Variants in MMP10 observed in about 807,000 individuals in gnomAD.
MMP10 encodes stromelysin-2.
MMP10 carries 50 observed loss-of-function variants against 49.1 expected under a neutral mutation model. The ratio of observed to expected loss-of-function variants is 1.02; its 90% CI spans 0.81 to 1.29. The LOEUF (loss-of-function observed/expected upper bound fraction) is 1.29, where lower values mean the gene tolerates loss of function less well. MMP10 is among the 50% of genes most tolerant of loss of function. The pLI is 0.00. For synonymous variants in MMP10, 229 were observed against 201.6 expected, an observed-to-expected ratio of 1.14 and a Z score of -1.15; for missense variants, 613 against 563.8, an observed-to-expected ratio of 1.09 and a Z score of -0.88.
chr11:102,780,392 G>T, intron 1 of MMP10, 95 bp downstream of exon 1: 1 of 955,072 alleles, frequency 1.0e-6, no homozygotes, highest in South Asian at 1.4e-5. Context: ...TTCTAACAAA[G>T]TGATCTCTAG....
chr11:102,779,276 GA>G lies in MMP10; in HGVS notation c.432del (p.Pro145HisfsTer14). The G allele has an allele frequency of 1.2e-6, 2 of 1,614,058 alleles. No individual in the cohort carries two copies. Among genetic ancestry groups the G allele is most frequent in the Non-Finnish European group, 1.7e-6 (2 of 1,180,000 alleles). On this transcript the variant is annotated frameshift_variant, in exon 3 of 10. Coordinates refer to ENST00000279441, the MANE Select transcript of MMP10 (RefSeq NM_002425.3). LOFTEE classifies it high-confidence loss of function. ...EKALKVWEEV[T>X]PLTFSRLYEG... ...TCATACAGCCTGGAGAATGTGAGTG[GA>G]GTCACCTCTTCCCAGACTTTCAGAG...
chr11:102,778,931 G>A lies in MMP10; in HGVS notation c.497-182C>T, dbSNP rs184763071. Among the ~76,000 whole-genome samples, 143 of 152,290 alleles carry A rather than the reference G, an allele frequency of 9.4e-4. 4 individuals carry two copies. The highest frequency in any genetic ancestry group is 5.8e-4 in the East Asian group (3 of 5,186). ...TAGGTCTTTAGGAAGTGATTATGTC[G>A]TAAGTGCTCTGCCCTCATGAATGAG... is the stretch of plus-strand genomic sequence containing the variant. On this transcript the variant is annotated intron_variant, in intron 3 of 9. Transcript: ENST00000279441.
chr11:102,771,541 G>C (rs1417868088), intron 9 of MMP10, among the ~76,000 whole-genome samples: 2 of 152,122 alleles, frequency 1.3e-5, no homozygotes, highest in Non-Finnish European at 2.9e-5. Context: ...TGAGCATATG[G>C]GAGGACTAGT....
chr11:102,779,863 T>A, intron 1 of MMP10, 118 bp from the exon 2 acceptor site: 1 of 1,225,052 alleles, frequency 8.2e-7, no homozygotes, highest in South Asian at 1.7e-5. Context: ...TCACATTTAA[T>A]TTGATTTTTC....
intron 4 of MMP10, among the ~76,000 whole-genome samples, chr11:102,777,734 A>G (rs1191164353): frequency 6.6e-6 from 1 of 152,192 alleles, no homozygotes; most frequent in Admixed American, 6.5e-5. Flanking sequence ...AGTAGTAGAT[A>G]TTATTTAACC....
Position 102,776,200 on chromosome 11 carries a change from G to T in MMP10, c.932+80C>A. ...CCCTGAACCTAAAATTAAAAAAAAA[G>T]CTCTGTCAAGTTTCTGTTTTTCTTT... On this transcript the variant is annotated intron_variant, in intron 6 of 9. Transcript: ENST00000279441. 6.9e-6 allele frequency: 9 copies of T among 1,304,162 alleles called. No homozygotes were observed. The South Asian group carries it at 1.2e-4, about 17-fold the overall frequency. 80.8% of individuals were successfully genotyped at this position (1,304,162 alleles called of 1,614,324 possible).
chr11:102,773,693 T>C (rs948200258), intron 7 of MMP10, among the ~76,000 whole-genome samples: 4 of 152,242 alleles, frequency 2.6e-5, no homozygotes, highest in African/African-American at 9.6e-5. Flanking sequence ...TTCTACTTTC[T>C]GTACACCCAG....
chr11:102,776,042 A>G (rs148830224), intron 6 of MMP10, among the ~76,000 whole-genome samples: 4 of 152,234 alleles, frequency 2.6e-5, no homozygotes, highest in Admixed American at 2.6e-4. Context: ...AGGAAATTTT[A>G]TATTTTAAAA....
intron 4 of MMP10, among the ~76,000 whole-genome samples, chr11:102,777,092 C>T (rs189875774): frequency 2.0e-5 from 3 of 152,098 alleles, no homozygotes; most frequent in African/African-American, 4.8e-5. Flanking sequence ...TTTGAAAGGA[C>T]AAGACTAATA....
intron 9 of MMP10, among the ~76,000 whole-genome samples, chr11:102,771,421 C>G (rs1406456618): frequency 6.6e-6 from 1 of 152,136 alleles, no homozygotes; most frequent in Non-Finnish European, 1.5e-5. Context: ...AGCCTCATGA[C>G]CATTGGATTG....
rs1857730170 is a variant in MMP10, at chr11:102,776,209, A to G, written c.932+71T>C. 7.8e-6 allele frequency: 11 copies of G among 1,413,628 alleles called. No individual in the cohort carries two copies. The East Asian group carries it at 2.3e-4, about 30-fold the overall frequency. 87.6% of individuals were successfully genotyped at this position (1,413,628 alleles called of 1,614,324 possible). On this transcript the variant is annotated intron_variant, in intron 6 of 9. Coordinates refer to ENST00000279441, the MANE Select transcript of MMP10 (RefSeq NM_002425.3). ...TAAAATTAAAAAAAAAGCTCTGTCA[A>G]GTTTCTGTTTTTCTTTCTAAGCACT...
In MMP10 at chr11:102,779,571, G is replaced by A. The variant is rs761751864; in HGVS notation, c.280C>T (p.Pro94Ser). 1.2e-6 allele frequency: 2 copies of A among 1,613,934 alleles called. No homozygotes were observed. The highest frequency in any genetic ancestry group is 4.5e-5 in the East Asian group (2 of 44,886). Reference protein sequence around the residue: ...EVMRKPRCGVPDVGHFSSFPG... With the variant: ...EVMRKPRCGVSDVGHFSSFPG... ...AAGGAGCTGAAGTGACCAACGTCAG[G>A]AACTCCACACCTGGGCTTGCGCATC... The change falls in exon 2 of 10, where the codon CCT (proline) becomes TCT (serine). Residue 94 changes from proline (P) to serine (S), a missense_variant. Physicochemically the swap from Pro to Ser is moderately conservative, Grantham distance 74. Transcript: ENST00000279441.
At chr11:102,778,815 A>T in intron 3 of MMP10, 66 bp from the exon 4 acceptor site, 2 of 1,561,206 alleles carry the variant, frequency 1.3e-6, no homozygotes, top group Non-Finnish European at 1.7e-6. Context: ...TTCCAATTAA[A>T]CAACAGTAGA....
chr11:102,775,251 G>T lies in MMP10; in HGVS notation c.1003C>A (p.Leu335Ile). 1 of 1,610,432 alleles carries T rather than the reference G, an allele frequency of 6.2e-7. No homozygotes were observed. The highest frequency in any genetic ancestry group is 8.5e-7 in the Non-Finnish European group (1 of 1,177,970). The change falls in exon 7 of 10, where the codon CTT becomes ATT. Residue 335 changes from leucine to isoleucine, a missense_variant. Leu to Ile is a conservative substitution (Grantham distance 5). Coordinates refer to ENST00000279441, the MANE Select transcript of MMP10 (RefSeq NM_002425.3). ...FHLISAFWPS[L>I]PSYLDAAYEV... ...TATGCAGCATCCAAATATGATGGAA[G>T]AGAGGGCCAAAATGCAGAAATCAAA...
Position 102,776,745 on chromosome 11 carries a change from T to A in MMP10, c.654A>T (p.Glu218Asp). The A allele has an allele frequency of 6.2e-7, 1 of 1,613,956 alleles. No homozygotes were observed. The highest frequency in any genetic ancestry group is 8.5e-7 in the Non-Finnish European group (1 of 1,179,938). The change falls in exon 5 of 10, where the codon GAA (glutamate) becomes GAT (aspartate). Residue 218 changes from glutamate (E) to aspartate (D), a missense_variant. Transcript: ENST00000279441. ...GTNLFLVAAH[E>D]LGHSLGLFHS... is the part of the protein sequence containing the mutation. Reference sequence around the variant, plus strand: ...GAAAGAGCCCCAGGGAGTGGCCAAGTTCATGAGCAGCAACGAGGAATAAAT... The same window carrying A: ...GAAAGAGCCCCAGGGAGTGGCCAAGATCATGAGCAGCAACGAGGAATAAAT...
chr11:102,773,323 CCTCT>C (rs1418118078), intron 7 of MMP10, among the ~76,000 whole-genome samples: 1 of 152,146 alleles, frequency 6.6e-6, no homozygotes, highest in Non-Finnish European at 1.5e-5. Flanking sequence ...CTCACCTAGA[CCTCT>C]CTCTCTTAAG....
At chr11:102,780,307 C>A (rs1465934325) in intron 1 of MMP10, among the ~76,000 whole-genome samples, 180 bp downstream of exon 1, 2 of 152,148 alleles carry the variant, frequency 1.3e-5, no homozygotes, top group Non-Finnish European at 2.9e-5. Context: ...CCTTTCTGAA[C>A]CTTTCTTTTC....
At chr11:102,776,911 T>A in intron 4 of MMP10, 135 bp from the exon 5 acceptor site, 1 of 994,344 alleles carries the variant, frequency 1.0e-6, no homozygotes, top group Non-Finnish European at 1.5e-6. Flanking sequence ...GGTTCATTGA[T>A]TGGCACATTC....
intron 4 of MMP10, among the ~76,000 whole-genome samples, chr11:102,777,309 T>C (rs17860968): frequency 0.037 from 5,670 of 152,254 alleles, 152 homozygotes; most frequent in Middle Eastern, 0.068. Flanking sequence ...AATTTTTTTT[T>C]TTGAGACAGA....
Sources: gnomAD v4.1 joint callset for allele counts (sites outside exome capture counted in the v4.1 genomes callset) on GRCh38, gnomAD v4.1.1 for gene constraint, MANE v1.5 for transcripts, NCBI Gene and HGNC (gene_info 2026-07-23, HGNC 2026-07-21) for gene names.